The following C2CD3 variants were observed in gnomAD, a reference collection of about 807,000 sequenced individuals.
The protein encoded by C2CD3 is C2 domain containing 3 centriole elongation regulator.
In C2CD3, 148 loss-of-function variants were observed where a neutral mutation model predicts 234.0. The ratio of observed to expected loss-of-function variants is 0.63; its 90% CI spans 0.55 to 0.72. The LOEUF (loss-of-function observed/expected upper bound fraction) is 0.72. Among genes scored for constraint, C2CD3 ranks in the 30% least tolerant of loss-of-function variants. C2CD3 has a pLI of 0.00. For synonymous variants in C2CD3, 1,000 were observed against 1,035.4 expected (o/e 0.97, Z 0.66); for missense variants, 2,577 against 2,811.5 (o/e 0.92, Z 1.89).
At chr11:74,167,700 A>T (rs1053970414) in intron 2 of C2CD3, among the ~76,000 whole-genome samples, 2 of 152,238 alleles carry the variant, frequency 1.3e-5, no homozygotes, top group East Asian at 3.8e-4. Context: ...TCCAAAATGT[A>T]TTTATGTGAA....
chr11:74,117,837 T>C (rs1957080443), intron 9 of C2CD3, among the ~76,000 whole-genome samples: 1 of 148,354 alleles, frequency 6.7e-6, no homozygotes, highest in Non-Finnish European at 1.5e-5. Context: ...TGCTTCAATC[T>C]GGGAGGTGGA....
chr11:74,090,702 G>A, intron 20 of C2CD3, 111 bp downstream of exon 20: 1 of 1,132,212 alleles, frequency 8.8e-7, no homozygotes, highest in Non-Finnish European at 1.3e-6. Context: ...AAGAGGAGTT[G>A]TGGTTAGTGA....
rs191510347 is a variant in C2CD3, at chr11:74,087,610, A to G, written c.3642-1724T>C. 2.9e-3 allele frequency among the ~76,000 whole-genome samples: 444 copies of G among 152,224 alleles called. 1 individual carries two copies. Among genetic ancestry groups the G allele is most frequent in the Non-Finnish European group, 5.8e-3 (394 of 68,020 alleles). ...AAAATACTCATAGGGTGTTGTAAAG[A>G]TAACATTAGATAATATATACAAAAG... On this transcript the variant is annotated intron_variant, in intron 20 of 32. Transcript: ENST00000334126.
Position 74,106,418 on chromosome 11 carries a change from G to C in C2CD3, c.2038C>G (p.Leu680Val). 1 of 1,614,004 alleles carries C rather than the reference G, an allele frequency of 6.2e-7. No individual in the cohort carries two copies. Residue 680 changes from leucine (L) to valine (V), a missense_variant, in exon 13 of 33, where the codon CTT becomes GTT. Transcript: ENST00000334126. ...TGACCATTTTCTTGTTGCACTGGAA[G>C]CTGATCACTGAAAGAAAGCAGCTCT... The part of the protein sequence containing the change: ...QSELLSFSDQ[L>V]PVQQENGQSP...
chr11:74,081,622 A>G (rs1361886889), intron 22 of C2CD3, among the ~76,000 whole-genome samples: 1 of 152,086 alleles, frequency 6.6e-6, no homozygotes, highest in East Asian at 1.9e-4. Context: ...CATCATCATC[A>G]TCACCATCAT....
Position 74,170,959 on chromosome 11 carries a change from G to A in C2CD3, c.-167C>T. ...TTCCTCTAACAGTCTCCGGAAAACG[G>A]TGCGAAGAGAAGGCGCCAAGACGCC... On this transcript the variant is annotated 5_prime_UTR_variant, in exon 1 of 33. Transcript: ENST00000334126. 1.4e-6 allele frequency: 2 copies of A among 1,470,690 alleles called. No homozygotes were observed. Among genetic ancestry groups the A allele is most frequent in the Non-Finnish European group, 1.8e-6 (2 of 1,106,912 alleles). 91.1% of individuals were successfully genotyped at this position (1,470,690 alleles called of 1,614,324 possible).
intron 28 of C2CD3, among the ~76,000 whole-genome samples, chr11:74,044,152 GTTCTAGATATAAGATC>G (rs1953231532): frequency 1.4e-5 from 2 of 147,820 alleles, no homozygotes; most frequent in African/African-American, 5.0e-5. Context: ...CCCTTTATAT[GTTCTAGATATAAGATC>G]TATAACTGGC....
chr11:74,033,239 G>T, intron 31 of C2CD3, 112 bp downstream of exon 31: 2 of 822,336 alleles, frequency 2.4e-6, no homozygotes, highest in Non-Finnish European at 3.7e-6. Flanking sequence ...TGAAGGAATG[G>T]TCTTTCCATG....
intron 17 of C2CD3, 28 bp from the exon 18 acceptor site, chr11:74,094,027 A>G: frequency 6.4e-7 from 1 of 1,567,902 alleles, no homozygotes. Flanking sequence ...ATTTCAGAAT[A>G]ATCCAACATA....
In C2CD3 at chr11:74,163,483, G is replaced by T. The variant is rs772598830; in HGVS notation, c.326-1927C>A. 2.6e-5 allele frequency among the ~76,000 whole-genome samples: 4 copies of T among 152,308 alleles called. No individual in the cohort carries two copies. The South Asian group carries it at 8.3e-4, about 32-fold the overall frequency. ...ATCCCCATGTGTCATGGGAAGGACC[G>T]GGGGAGATAACTGAATCACAAGTGC... On this transcript the variant is annotated intron_variant, in intron 2 of 32. Transcript: ENST00000334126.
intron 15 of C2CD3, among the ~76,000 whole-genome samples, chr11:74,099,060 A>G (rs1956216129): frequency 6.6e-6 from 1 of 152,114 alleles, no homozygotes; most frequent in African/African-American, 2.4e-5. Context: ...TATTTTACAC[A>G]CTCTGAGCAA....
chr11:74,027,986 C>A (rs373820297), intron 32 of C2CD3, among the ~76,000 whole-genome samples: 7 of 152,132 alleles, frequency 4.6e-5, no homozygotes, highest in Non-Finnish European at 1.0e-4. Flanking sequence ...GTGGGGACTC[C>A]CACAGCACTC....
In C2CD3 at chr11:74,122,202, C is replaced by G. The variant is rs1003218118; in HGVS notation, c.1365+786G>C. On this transcript the variant is annotated intron_variant, in intron 8 of 32. Coordinates refer to ENST00000334126, the MANE Select transcript of C2CD3 (RefSeq NM_001286577.2). ...TTCTGCACAGGTCATTCTTTCTACGCCCATTTTGTATCTTTTCTCTGCTTC... is the reference window on the plus strand; with the variant it reads ...TTCTGCACAGGTCATTCTTTCTACGGCCATTTTGTATCTTTTCTCTGCTTC... Among the ~76,000 whole-genome samples the G allele has an allele frequency of 2.1e-4, 32 of 152,174 alleles. 1 individual carries two copies. Among genetic ancestry groups the G allele is most frequent in the Admixed American group, 1.8e-3 (28 of 15,270 alleles).
At position 74,034,181 on chromosome 11, in the gene C2CD3, G is replaced by A. The variant is rs1357207206; in HGVS notation, c.5979C>T (p.Asp1993=). Residue 1993 remains aspartate, a synonymous_variant, in exon 31 of 33, where the codon GAC becomes GAT. Transcript: ENST00000334126. ...TGCATCGTTCTTGCAGTGCTTCTGTGTCCTGAGCATCTGGGAGGGTGGTGG... is the reference window on the plus strand; with the variant it reads ...TGCATCGTTCTTGCAGTGCTTCTGTATCCTGAGCATCTGGGAGGGTGGTGG... ...NKATTLPDAQ[D]TEALQERCTM... The A allele has an allele frequency of 6.5e-7, 1 of 1,536,202 alleles. No individual in the cohort carries two copies. Among genetic ancestry groups the A allele is most frequent in the South Asian group, 1.2e-5 (1 of 84,048 alleles).
intron 3 of C2CD3, among the ~76,000 whole-genome samples, chr11:74,150,213 C>T (rs1427090289): frequency 6.6e-6 from 1 of 151,272 alleles, no homozygotes; most frequent in Non-Finnish European, 1.5e-5. Flanking sequence ...TGCGGTGGCT[C>T]ACGCCTGTAA....
At chr11:74,136,655 A>G (rs1957870947) in intron 5 of C2CD3, among the ~76,000 whole-genome samples, 1 of 152,200 alleles carries the variant, frequency 6.6e-6, no homozygotes, top group Non-Finnish European at 1.5e-5. Context: ...GCACATAATC[A>G]GTGCTCAATA....
intron 25 of C2CD3, among the ~76,000 whole-genome samples, chr11:74,055,455 T>TG (rs1205510449): frequency 2.0e-5 from 3 of 152,198 alleles, no homozygotes; most frequent in African/African-American, 7.2e-5. Context: ...GTAAGCAAGA[T>TG]GGAGATCTAG....
intron 3 of C2CD3, among the ~76,000 whole-genome samples, chr11:74,154,736 A>C (rs1855897976): frequency 6.6e-6 from 1 of 152,212 alleles, no homozygotes; most frequent in Non-Finnish European, 1.5e-5. Flanking sequence ...GCGTCCTAAT[A>C]CAACTATTTA....
rs758355913 is a variant in C2CD3 at position 74,139,600 on chromosome 11, A to G, written c.707+5T>C. On this transcript the variant is annotated splice_donor_5th_base_variant and intron_variant, in intron 4 of 32. Transcript: ENST00000334126. ...AGATTGACTGGTATTAGGTATGGTA[A>G]TTACCTCGGAGTGGTTGATCTACTG... The G allele has an allele frequency of 6.3e-7, 1 of 1,588,338 alleles. No homozygotes were observed. Among genetic ancestry groups the G allele is most frequent in the Non-Finnish European group, 8.6e-7 (1 of 1,156,676 alleles).
Sources: allele counts gnomAD v4.1 joint callset (sites outside exome capture counted in the v4.1 genomes callset), GRCh38; gene constraint gnomAD v4.1.1; transcripts MANE v1.5; gene names NCBI Gene and HGNC (gene_info 2026-07-23, HGNC 2026-07-21).